The following ZNF804B variants were observed in gnomAD, a reference collection of about 807,000 sequenced individuals.
ZNF804B encodes the protein zinc finger protein 804B, also known as zinc finger 804B.
A neutral mutation model predicts 101.4 loss-of-function variants in ZNF804B; 80 were observed. That is an observed-to-expected ratio of 0.79 (90% CI 0.66 to 0.95). The LOEUF (loss-of-function observed/expected upper bound fraction) is 0.95. Ranked by LOEUF, ZNF804B falls within the 40% of genes least tolerant of loss-of-function variation. ZNF804B has a pLI of 0.00. For missense variants in ZNF804B, 1,673 were observed against 1,561.9 expected (o/e 1.07, Z -1.20); for synonymous variants, 622 against 558.8 (o/e 1.11, Z -1.59).
intron 1 of ZNF804B, among the ~76,000 whole-genome samples, chr7:89,044,834 A>G (rs1789076811): frequency 6.6e-6 from 1 of 152,206 alleles, no homozygotes; most frequent in Non-Finnish European, 1.5e-5. Flanking sequence ...TGACAGTGCG[A>G]TAGAAAAGAA....
chr7:89,192,357 A>G (rs1170137511), intron 1 of ZNF804B, among the ~76,000 whole-genome samples: 1 of 151,944 alleles, frequency 6.6e-6, no homozygotes, highest in Non-Finnish European at 1.5e-5. Flanking sequence ...CTAATTACCC[A>G]TCCACAGGGG....
At chr7:88,988,027 A>G (rs1793789224) in intron 1 of ZNF804B, among the ~76,000 whole-genome samples, 1 of 151,982 alleles carries the variant, frequency 6.6e-6, no homozygotes, top group South Asian at 2.1e-4. Context: ...CTCTACATCC[A>G]TAAAATAATT....
At chr7:88,859,123 C>T (rs1014596021) in intron 1 of ZNF804B, among the ~76,000 whole-genome samples, 2 of 151,922 alleles carry the variant, frequency 1.3e-5, no homozygotes, top group Non-Finnish European at 2.9e-5. Context: ...TTTCAGGCAA[C>T]GCTCTTCACC....
chr7:89,202,949 C>T (rs1035124136), intron 1 of ZNF804B, among the ~76,000 whole-genome samples: 2 of 152,032 alleles, frequency 1.3e-5, no homozygotes, highest in African/African-American at 2.4e-5. Context: ...TGTAGCTAGA[C>T]GTATTCTAGA....
intron 1 of ZNF804B, among the ~76,000 whole-genome samples, chr7:89,165,627 G>C (rs1055847694): frequency 6.6e-6 from 1 of 151,936 alleles, no homozygotes; most frequent in African/African-American, 2.4e-5. Context: ...TAAACACACT[G>C]TACGTAAAAT....
intron 1 of ZNF804B, among the ~76,000 whole-genome samples, chr7:89,064,642 G>A (rs1380120367): frequency 2.6e-5 from 4 of 152,132 alleles, no homozygotes; most frequent in African/African-American, 9.7e-5. Context: ...TAACCCCTAA[G>A]GTTCCCTTCT....
At chr7:89,006,340 A>G (rs1788368886) in intron 1 of ZNF804B, among the ~76,000 whole-genome samples, 1 of 152,234 alleles carries the variant, frequency 6.6e-6, no homozygotes, top group Admixed American at 6.5e-5. Context: ...GCCTCTTATC[A>G]TAGATGGGAG....
intron 1 of ZNF804B, among the ~76,000 whole-genome samples, chr7:88,824,329 ATGG>A (rs1472174676): frequency 1.3e-5 from 2 of 152,014 alleles, no homozygotes; most frequent in African/African-American, 4.8e-5. Flanking sequence ...TGTGTTGTTG[ATGG>A]TTACATAAGA....
Position 89,334,218 on chromosome 7 carries a change from A to C in ZNF804B, c.1236A>C (p.Lys412Asn). Residue 412 changes from lysine to asparagine, a missense_variant, in exon 4 of 4, where the codon AAA becomes AAC. Coordinates refer to ENST00000333190, the MANE Select transcript of ZNF804B (RefSeq NM_181646.5). ...ATTCCAGAATAGAGAACAGAGAAAA[A>C]TCTTTAGATAAAACAGAAAGAGTTA... Reference protein sequence around the residue: ...NPNSRIENREKSLDKTERVSK... With the variant: ...NPNSRIENRENSLDKTERVSK... The C allele has an allele frequency of 6.2e-7, 1 of 1,613,554 alleles. No individual in the cohort carries two copies. Among genetic ancestry groups the C allele is most frequent in the Non-Finnish European group, 8.5e-7 (1 of 1,179,814 alleles).
chr7:88,931,871 A>T (rs1792892083), intron 1 of ZNF804B, among the ~76,000 whole-genome samples: 1 of 151,942 alleles, frequency 6.6e-6, no homozygotes, highest in South Asian at 2.1e-4. Flanking sequence ...GAAACTTGTT[A>T]ATAAAAATAC....
chr7:88,965,506 A>T lies in ZNF804B; in HGVS notation c.108+205422A>T, dbSNP rs368283826. ...GTGACAATCAGTGATGAGGAGCCTT[A>T]TGTGAGGATTGCCATTTTTCCATTT... is the stretch of plus-strand genomic sequence containing the variant. On this transcript the variant is annotated intron_variant, in intron 1 of 3. Coordinates refer to ENST00000333190, the MANE Select transcript of ZNF804B (RefSeq NM_181646.5). Among the ~76,000 whole-genome samples the T allele has an allele frequency of 6.6e-5, 10 of 151,568 alleles. No homozygotes were observed. In the East Asian group the frequency reaches 1.2e-3, roughly 18 times the overall value.
At chr7:88,797,013 C>G (rs937424714) in intron 1 of ZNF804B, among the ~76,000 whole-genome samples, 2 of 152,116 alleles carry the variant, frequency 1.3e-5, no homozygotes, top group Non-Finnish European at 2.9e-5. Context: ...CAACTCTTCT[C>G]TCCTTGGATG....
At chr7:89,308,982 T>C (rs771360751) in intron 2 of ZNF804B, among the ~76,000 whole-genome samples, 13 of 152,172 alleles carry the variant, frequency 8.5e-5, no homozygotes, top group Non-Finnish European at 1.6e-4. Flanking sequence ...AGTAATTTTA[T>C]TTATTTATTT....
chr7:89,173,268 C>T (rs999318667), intron 1 of ZNF804B, among the ~76,000 whole-genome samples: 2 of 151,900 alleles, frequency 1.3e-5, no homozygotes, highest in African/African-American at 2.4e-5. Flanking sequence ...CCTCTCTTCT[C>T]TGTATTTATT....
rs1179101781 is a variant in ZNF804B, at chr7:89,334,370, T to G, written c.1388T>G (p.Leu463Arg). The change falls in exon 4 of 4, where the codon CTC becomes CGC. Residue 463 changes from leucine to arginine, a missense_variant. Coordinates refer to ENST00000333190, the MANE Select transcript of ZNF804B (RefSeq NM_181646.5). ...CTTCAATGGCCTACGGAACTTCTGCTCTTTACAAAAACAGAACCCTGTATC... is the reference window on the plus strand; with the variant it reads ...CTTCAATGGCCTACGGAACTTCTGCGCTTTACAAAAACAGAACCCTGTATC... Reference protein sequence around the residue: ...TTLQWPTELLLFTKTEPCISY... With the variant: ...TTLQWPTELLRFTKTEPCISY... The G allele has an allele frequency of 6.2e-7, 1 of 1,613,818 alleles. No homozygotes were observed. The highest frequency in any genetic ancestry group is 1.1e-5 in the South Asian group (1 of 91,082).
intron 1 of ZNF804B, among the ~76,000 whole-genome samples, chr7:88,836,748 G>A (rs1791220322): frequency 6.6e-6 from 1 of 151,704 alleles, no homozygotes; most frequent in Non-Finnish European, 1.5e-5. Flanking sequence ...CTCTTTCCCA[G>A]TATTCTGTCC....
At chr7:89,265,305 C>CGTGT (rs1354491751) in intron 2 of ZNF804B, among the ~76,000 whole-genome samples, 2 of 150,058 alleles carry the variant, frequency 1.3e-5, no homozygotes, top group Non-Finnish European at 2.9e-5. Flanking sequence ...CGCGTGCGCG[C>CGTGT]GCGCACACAT....
At chr7:89,026,720 G>GTT (rs1394425853) in intron 1 of ZNF804B, among the ~76,000 whole-genome samples, 1 of 152,136 alleles carries the variant, frequency 6.6e-6, no homozygotes, top group Non-Finnish European at 1.5e-5. Flanking sequence ...TAGCAAATGA[G>GTT]TTTCCTGATG....
chr7:89,120,427 G>A (rs1269321502), intron 1 of ZNF804B, among the ~76,000 whole-genome samples: 1 of 152,116 alleles, frequency 6.6e-6, no homozygotes, highest in Non-Finnish European at 1.5e-5. Context: ...AGAGGCCGAG[G>A]CGGGCAGATC....
Sources: gnomAD v4.1 joint callset for allele counts (sites outside exome capture counted in the v4.1 genomes callset) on GRCh38, gnomAD v4.1.1 for gene constraint, MANE v1.5 for transcripts, NCBI Gene and HGNC (gene_info 2026-07-23, HGNC 2026-07-21) for gene names.